LMAN2L: variants seen among roughly 807,000 people sequenced by gnomAD.
LMAN2L encodes lectin, mannose binding 2 like.
Under a neutral mutation model 44.3 loss-of-function variants are expected in LMAN2L, and 30 were observed. The observed-to-expected ratio is 0.68, with a 90% CI of 0.51 to 0.92. LMAN2L has a LOEUF of 0.92. Among genes scored for constraint, LMAN2L ranks in the 40% least tolerant of loss-of-function variants. The pLI is 0.00. For synonymous variants in LMAN2L, 183 were observed against 171.1 expected (o/e 1.07, Z -0.54); for missense variants, 429 against 446.1 (o/e 0.96, Z 0.35).
chr2:96,737,869 G>A, intron 2 of LMAN2L, 80 bp downstream of exon 2: 1 of 801,834 alleles, frequency 1.2e-6, no homozygotes, highest in Non-Finnish European at 2.2e-6. Context: ...GGGATAGACA[G>A]TAAAATTAAA....
rs1234931181 is a variant in LMAN2L at position 96,733,746 on chromosome 2, C to G, written c.425-145G>C. 4.6e-6 allele frequency: 3 copies of G among 649,020 alleles called. No individual in the cohort carries two copies. In the East Asian group the frequency reaches 8.4e-5, roughly 18 times the overall value. The allele number at this position is 649,020 out of a possible 1,614,324, so 40.2% of individuals were successfully genotyped here. A position where few individuals can be genotyped will look rare whatever the true frequency, so the allele number is the denominator to read the frequency against. Reference sequence around the variant, plus strand: ...TGAGAAAACACATGTTTAAAAGTACCCAGCAAAGTGCATGGCCTGTAACAA... The same window carrying G: ...TGAGAAAACACATGTTTAAAAGTACGCAGCAAAGTGCATGGCCTGTAACAA... On this transcript the variant is annotated intron_variant, in intron 3 of 7. Transcript: ENST00000264963.
intron 2 of LMAN2L, chr2:96,737,169 G>A: frequency 2.2e-6 from 1 of 456,250 alleles, no homozygotes; most frequent in South Asian, 1.6e-5. Flanking sequence ...GCCACACCAG[G>A]AATACTGCAT....
intron 4 of LMAN2L, among the ~76,000 whole-genome samples, chr2:96,729,341 G>A (rs1016341728): frequency 4.6e-5 from 7 of 151,490 alleles, no homozygotes; most frequent in Non-Finnish European, 7.4e-5. Flanking sequence ...ACTTTATATC[G>A]ACTATTACCT....
At chr2:96,709,902 C>T (rs563504122) in intron 6 of LMAN2L, among the ~76,000 whole-genome samples, 2 of 152,308 alleles carry the variant, frequency 1.3e-5, no homozygotes, top group African/African-American at 2.4e-5. Context: ...AATTATTCTC[C>T]CCTGCCATTT....
At chr2:96,730,647 T>C (rs2078373064) in intron 4 of LMAN2L, among the ~76,000 whole-genome samples, 1 of 151,962 alleles carries the variant, frequency 6.6e-6, no homozygotes, top group Non-Finnish European at 1.5e-5. Context: ...CTGATTCTAC[T>C]TTATTTCCAC....
intron 4 of LMAN2L, among the ~76,000 whole-genome samples, chr2:96,712,349 A>G (rs1477608922): frequency 6.6e-6 from 1 of 152,174 alleles, no homozygotes. Flanking sequence ...TGTGCCGCCT[A>G]ATACCAGGGG....
intron 2 of LMAN2L, among the ~76,000 whole-genome samples, chr2:96,737,653 T>G (rs1158433862): frequency 6.6e-6 from 1 of 152,146 alleles, no homozygotes; most frequent in Admixed American, 6.6e-5. Context: ...ACAAAGTGGT[T>G]AAGCAGGAGT....
intron 4 of LMAN2L, among the ~76,000 whole-genome samples, chr2:96,731,926 C>T (rs2078406234): frequency 6.6e-6 from 1 of 151,876 alleles, no homozygotes; most frequent in Admixed American, 6.6e-5. Context: ...CAGCTCACTG[C>T]AACCTCCACC....
chr2:96,739,599 T>C (rs1191616573), intron 1 of LMAN2L, among the ~76,000 whole-genome samples: 1 of 152,158 alleles, frequency 6.6e-6, no homozygotes, highest in Non-Finnish European at 1.5e-5. Context: ...TCCTCCTGTC[T>C]AACTCCAGGC....
intron 4 of LMAN2L, among the ~76,000 whole-genome samples, chr2:96,714,884 T>C (rs753277019): frequency 6.6e-6 from 1 of 152,170 alleles, no homozygotes; most frequent in African/African-American, 2.4e-5. Flanking sequence ...CACGTATACA[T>C]GGGTCCCTCA....
At chr2:96,718,352 C>A (rs1473803524) in intron 4 of LMAN2L, among the ~76,000 whole-genome samples, 5 of 152,162 alleles carry the variant, frequency 3.3e-5, no homozygotes, top group Admixed American at 6.6e-5. Flanking sequence ...CTGCTTTTCT[C>A]AATTTTTCTA....
intron 4 of LMAN2L, among the ~76,000 whole-genome samples, chr2:96,714,595 T>C (rs2077995772): frequency 6.6e-6 from 1 of 152,132 alleles, no homozygotes; most frequent in Non-Finnish European, 1.5e-5. Flanking sequence ...TCAGTGACAA[T>C]TAAGAAAAAG....
intron 1 of LMAN2L, 58 bp from the exon 2 acceptor site, chr2:96,738,125 G>A: frequency 8.5e-7 from 1 of 1,176,104 alleles, no homozygotes; most frequent in Non-Finnish European, 1.3e-6. Flanking sequence ...TCAGAAAGCA[G>A]CCACCACAGA....
rs1407464465 is a variant in LMAN2L at position 96,729,657 on chromosome 2, C to T, written c.507+3862G>A. On this transcript the variant is annotated intron_variant, in intron 4 of 7. Coordinates refer to ENST00000264963, the MANE Select transcript of LMAN2L (RefSeq NM_030805.4). The stretch of plus-strand genomic sequence containing the variant: ...CCAAGTAGCTGGGACTACAGGCGCC[C>T]GCCACCACACCTGGCTAATTTTGTA... Among the ~76,000 whole-genome samples, 5 of 151,316 alleles carry T rather than the reference C, an allele frequency of 3.3e-5. 1 individual carries two copies.
At chr2:96,707,899 T>A in intron 6 of LMAN2L, 66 bp from the exon 7 acceptor site, 1 of 1,544,134 alleles carries the variant, frequency 6.5e-7, no homozygotes, top group Non-Finnish European at 8.9e-7. Flanking sequence ...TTGAAGTCAG[T>A]ATCTTAGTTC....
At position 96,733,526 on chromosome 2, in the gene LMAN2L, T is replaced by C; in HGVS notation, c.500A>G (p.Gln167Arg). The change falls in exon 4 of 8, where the codon CAG becomes CGG. Residue 167 changes from glutamine (Q) to arginine (R), a missense_variant. Transcript: ENST00000264963. ...TCTGACACTTGCCATTACCTCTTGC[T>C]GCTTCTCCTCATTGGGGTAGGTGTC... ...FVDTYPNEEK[Q>R]QERVFPYISA... 1 of 1,613,654 alleles carries C rather than the reference T, an allele frequency of 6.2e-7. No individual in the cohort carries two copies. Among genetic ancestry groups the C allele is most frequent in the Non-Finnish European group, 8.5e-7 (1 of 1,179,608 alleles).
intron 4 of LMAN2L, among the ~76,000 whole-genome samples, chr2:96,716,804 AC>A: frequency 1.3e-5 from 2 of 152,334 alleles, no homozygotes; most frequent in Admixed American, 1.3e-4. Context: ...ACTGGGATAC[AC>A]TGCTTTCAAT....
At chr2:96,717,120 CAA>C (rs1481179859) in intron 4 of LMAN2L, among the ~76,000 whole-genome samples, 1 of 151,708 alleles carries the variant, frequency 6.6e-6, no homozygotes. Flanking sequence ...CACACACACA[CAA>C]GTATTTAGGA....
intron 4 of LMAN2L, among the ~76,000 whole-genome samples, chr2:96,726,356 C>G (rs747992974): frequency 6.6e-6 from 1 of 151,640 alleles, no homozygotes; most frequent in Non-Finnish European, 1.5e-5. Flanking sequence ...TCTTTTATTT[C>G]ACTTTCATGT....
Sources: allele counts gnomAD v4.1 joint callset (sites outside exome capture counted in the v4.1 genomes callset), GRCh38; gene constraint gnomAD v4.1.1; transcripts MANE v1.5; gene names NCBI Gene and HGNC (gene_info 2026-07-23, HGNC 2026-07-21).